SLC35F1: variants seen among roughly 807,000 people sequenced by gnomAD.
The protein encoded by SLC35F1 is solute carrier family 35 member F1.
In SLC35F1, 14 loss-of-function variants were observed where a neutral mutation model predicts 48.7. That is an observed-to-expected ratio of 0.29 (90% CI 0.19 to 0.45). SLC35F1 has a LOEUF of 0.45. Ranked by LOEUF, SLC35F1 falls within the 20% of genes least tolerant of loss-of-function variation. The probability of loss-of-function intolerance (pLI) is 1.00; values close to 1 mark genes in which losing one functional copy is unlikely to be tolerated. For synonymous variants in SLC35F1, 190 were observed against 202.2 expected (o/e 0.94, Z 0.51); for missense variants, 404 against 500.0 (o/e 0.81, Z 1.83).
chr6:118,251,184 A>C (rs1775569998), intron 3 of SLC35F1, among the ~76,000 whole-genome samples: 1 of 152,070 alleles, frequency 6.6e-6, no homozygotes, highest in African/African-American at 2.4e-5. Flanking sequence ...GCTACTCAGA[A>C]GGCTGGGGTG....
chr6:118,312,312 A>G (rs1320535069), intron 7 of SLC35F1, among the ~76,000 whole-genome samples: 1 of 152,240 alleles, frequency 6.6e-6, no homozygotes, highest in Non-Finnish European at 1.5e-5. Flanking sequence ...AGTTTAAGGT[A>G]AAGGGTGAAG....
At chr6:118,148,648 T>A (rs1330679370) in intron 1 of SLC35F1, among the ~76,000 whole-genome samples, 1 of 152,188 alleles carries the variant, frequency 6.6e-6, no homozygotes, top group Non-Finnish European at 1.5e-5. Flanking sequence ...AAAATGTGTA[T>A]CATAGTCTCC....
chr6:118,171,995 A>C (rs1774411819), intron 2 of SLC35F1, among the ~76,000 whole-genome samples: 1 of 152,334 alleles, frequency 6.6e-6, no homozygotes, highest in African/African-American at 2.4e-5. Flanking sequence ...AACCTTTTAT[A>C]GTAGTGTAAT....
chr6:118,128,620 A>T (rs1229397414), intron 1 of SLC35F1, among the ~76,000 whole-genome samples: 1 of 151,276 alleles, frequency 6.6e-6, no homozygotes, highest in Non-Finnish European at 1.5e-5. Context: ...ATGAGAACAC[A>T]TAGACACAGG....
At chr6:118,269,672 T>C (rs1377288476) in intron 4 of SLC35F1, among the ~76,000 whole-genome samples, 1 of 152,104 alleles carries the variant, frequency 6.6e-6, no homozygotes, top group African/African-American at 2.4e-5. Flanking sequence ...ATTGCATTAA[T>C]CAGCCAGGGT....
intron 1 of SLC35F1, among the ~76,000 whole-genome samples, chr6:118,125,899 T>C (rs1248604261): frequency 1.3e-5 from 2 of 152,246 alleles, no homozygotes; most frequent in Non-Finnish European, 2.9e-5. Flanking sequence ...GGAGCAGCTC[T>C]TGGGCTATTG....
intron 7 of SLC35F1, among the ~76,000 whole-genome samples, chr6:118,305,904 T>G (rs1373471043): frequency 6.6e-6 from 1 of 152,148 alleles, no homozygotes; most frequent in Non-Finnish European, 1.5e-5. Context: ...CCTCGTGGAG[T>G]GACTCTAAAC....
chr6:118,127,551 C>A (rs1773645460), intron 1 of SLC35F1, among the ~76,000 whole-genome samples: 2 of 152,072 alleles, frequency 1.3e-5, no homozygotes, highest in African/African-American at 4.8e-5. Flanking sequence ...GAAAAACAAG[C>A]AATGGGGAAA....
chr6:117,997,948 C>T (rs1270986341), intron 1 of SLC35F1, among the ~76,000 whole-genome samples: 1 of 151,404 alleles, frequency 6.6e-6, no homozygotes, highest in East Asian at 1.9e-4. Flanking sequence ...TGTAAATGGA[C>T]TAAATGCTCC....
chr6:118,179,332 T>C (rs976167317), intron 2 of SLC35F1, among the ~76,000 whole-genome samples: 15 of 152,112 alleles, frequency 9.9e-5, no homozygotes, highest in African/African-American at 3.6e-4. Flanking sequence ...AAAGGAGCTG[T>C]TGGTGTAAGT....
intron 2 of SLC35F1, among the ~76,000 whole-genome samples, chr6:118,232,722 C>G (rs1019963997): frequency 3.3e-5 from 5 of 151,694 alleles, no homozygotes; most frequent in Admixed American, 3.3e-4. Flanking sequence ...ATGGAAAGGC[C>G]CAGAGACAAG....
At chr6:118,036,478 T>G (rs1444136791) in intron 1 of SLC35F1, among the ~76,000 whole-genome samples, 1 of 152,224 alleles carries the variant, frequency 6.6e-6, no homozygotes, top group Non-Finnish European at 1.5e-5. Flanking sequence ...GGGAATATTC[T>G]GCAGTCGTAA....
intron 1 of SLC35F1, among the ~76,000 whole-genome samples, chr6:118,016,974 T>G (rs1777330877): frequency 6.6e-6 from 1 of 152,188 alleles, no homozygotes; most frequent in Non-Finnish European, 1.5e-5. Flanking sequence ...TGTAACTGGT[T>G]CAAGCTATCA....
chr6:118,108,634 C>T (rs1773356258), intron 1 of SLC35F1, among the ~76,000 whole-genome samples: 4 of 152,070 alleles, frequency 2.6e-5, no homozygotes, highest in Non-Finnish European at 5.9e-5. Context: ...TTCTCAAGAA[C>T]AGTTGTTTCC....
intron 2 of SLC35F1, among the ~76,000 whole-genome samples, chr6:118,159,236 A>G (rs1426644504): frequency 1.3e-5 from 2 of 150,470 alleles, no homozygotes; most frequent in African/African-American, 4.9e-5. Flanking sequence ...AAAAAAAAAA[A>G]AAAAAAAAAA....
At chr6:118,055,233 C>G (rs1312110302) in intron 1 of SLC35F1, among the ~76,000 whole-genome samples, 1 of 152,062 alleles carries the variant, frequency 6.6e-6, no homozygotes, top group Non-Finnish European at 1.5e-5. Context: ...TACATGCATT[C>G]TTGAGGATGT....
At chr6:118,068,489 C>T (rs1208426377) in intron 1 of SLC35F1, among the ~76,000 whole-genome samples, 3 of 152,168 alleles carry the variant, frequency 2.0e-5, no homozygotes, top group Non-Finnish European at 4.4e-5. Context: ...CTAATCCCAG[C>T]TGGAGGAAAC....
chr6:118,173,664 G>C (rs899285094), intron 2 of SLC35F1, among the ~76,000 whole-genome samples: 1 of 152,266 alleles, frequency 6.6e-6, no homozygotes, highest in South Asian at 2.1e-4. Flanking sequence ...TAGTACAGAA[G>C]ATCTGAGAGA....
At chr6:117,957,643 T>C (rs2114832482) in intron 1 of SLC35F1, among the ~76,000 whole-genome samples, 1 of 152,316 alleles carries the variant, frequency 6.6e-6, no homozygotes, top group East Asian at 1.9e-4. Context: ...AGTGACAGAC[T>C]GCATATACAG....
Sources: gnomAD v4.1 joint callset for allele counts (sites outside exome capture counted in the v4.1 genomes callset) on GRCh38, gnomAD v4.1.1 for gene constraint, MANE v1.5 for transcripts, NCBI Gene and HGNC (gene_info 2026-07-23, HGNC 2026-07-21) for gene names.